The following FAF1 variants were observed in gnomAD, a reference collection of about 807,000 sequenced individuals.
FAF1 encodes the protein Fas associated factor 1.
In FAF1, 25 loss-of-function variants were observed where a neutral mutation model predicts 92.5. That is an observed-to-expected ratio of 0.27 (90% CI 0.20 to 0.38). FAF1 has a LOEUF of 0.38. FAF1 is among the 10% of genes least tolerant of loss of function. The pLI is 1.00. For synonymous variants in FAF1, 234 were observed against 273.2 expected, an observed-to-expected ratio of 0.86 and a Z score of 1.42; for missense variants, 636 against 793.3, an observed-to-expected ratio of 0.80 and a Z score of 2.38.
At chr1:50,942,489 G>A (rs900526500) in intron 1 of FAF1, among the ~76,000 whole-genome samples, 1 of 151,814 alleles carries the variant, frequency 6.6e-6, no homozygotes, top group East Asian at 1.9e-4. Context: ...GGAAGGGAAG[G>A]GAATTAAATG....
intron 15 of FAF1, among the ~76,000 whole-genome samples, chr1:50,528,207 TGCAGGG>T (rs1049412036): frequency 3.3e-5 from 5 of 152,156 alleles, no homozygotes; most frequent in Admixed American, 3.3e-4. Context: ...TGGCCAATTT[TGCAGGG>T]GCTTTACAAG....
Position 50,554,390 on chromosome 1 carries a change from T to TATATATATATATAG in FAF1, c.1268+12686_1268+12687insCTATATATATATAT. On this transcript the variant is annotated intron_variant, in intron 13 of 18. Transcript: ENST00000396153. ...ATATATATATATATATATATATATATAGAGAGAGAGAGAGAGAGAGAGAGA... is the reference window on the plus strand; with the variant it reads ...ATATATATATATATATATATATATATATATATATATATAGAGAGAGAGAGAGAGAGAGAGAGAGA... Among the ~76,000 whole-genome samples, 6 of 93,684 alleles carry TATATATATATATAG rather than the reference T, an allele frequency of 6.4e-5. 1 individual carries two copies. The highest frequency in any genetic ancestry group is 2.4e-4 in the African/African-American group (5 of 21,142). 61.5% of individuals were successfully genotyped at this position (93,684 alleles called of 152,430 possible).
chr1:50,527,046 AG>A, intron 15 of FAF1, among the ~76,000 whole-genome samples: 1 of 151,916 alleles, frequency 6.6e-6, no homozygotes, highest in Admixed American at 6.6e-5. Context: ...AAGTAGAGAC[AG>A]GGTTTCGCTA....
At chr1:50,534,796 C>A (rs1369694202) in intron 15 of FAF1, among the ~76,000 whole-genome samples, 1 of 152,022 alleles carries the variant, frequency 6.6e-6, no homozygotes, top group African/African-American at 2.4e-5. Flanking sequence ...CTATTGTCAT[C>A]GATAATGTTT....
intron 7 of FAF1, among the ~76,000 whole-genome samples, chr1:50,688,760 C>T (rs1462887087): frequency 3.3e-5 from 5 of 151,988 alleles, no homozygotes; most frequent in South Asian, 2.1e-4. Context: ...TGCGGTGAGC[C>T]GAGATCGCGC....
chr1:50,692,241 CTGTGTGTGTGTGTGTGTGTGTGTG>C (rs59187392), intron 7 of FAF1, among the ~76,000 whole-genome samples: 14 of 129,002 alleles, frequency 1.1e-4, no homozygotes, highest in African/African-American at 1.7e-4. Context: ...GAAGTATTTA[CTGTGTGTGTGTGTGTGTGTGTGTG>C]TGTGTGTGTG....
intron 2 of FAF1, among the ~76,000 whole-genome samples, chr1:50,825,331 C>T (rs1644086379): frequency 6.6e-6 from 1 of 151,806 alleles, no homozygotes; most frequent in South Asian, 2.1e-4. Context: ...GTTTGCAAAA[C>T]TAGAAAAATA....
chr1:50,690,805 C>T (rs540209188), intron 7 of FAF1, among the ~76,000 whole-genome samples: 59 of 152,252 alleles, frequency 3.9e-4, no homozygotes, highest in Admixed American at 7.2e-4. Context: ...TGCCTACTCT[C>T]GGCATTTGAT....
chr1:50,564,083 A>C (rs1291864084), intron 13 of FAF1, among the ~76,000 whole-genome samples: 1 of 152,190 alleles, frequency 6.6e-6, no homozygotes, highest in Non-Finnish European at 1.5e-5. Context: ...CTTATCTCCT[A>C]CATACATGAG....
At chr1:50,933,408 C>A (rs528440178) in intron 1 of FAF1, among the ~76,000 whole-genome samples, 1 of 152,206 alleles carries the variant, frequency 6.6e-6, no homozygotes, top group African/African-American at 2.4e-5. Context: ...CACAATGCCA[C>A]CAGTCTCTTT....
intron 7 of FAF1, among the ~76,000 whole-genome samples, chr1:50,697,515 T>C (rs1352902080): frequency 6.6e-6 from 1 of 152,176 alleles, no homozygotes; most frequent in Non-Finnish European, 1.5e-5. Flanking sequence ...TACAGGGCCG[T>C]ATATAGGAAC....
At chr1:50,585,290 A>G (rs1166356386) in intron 9 of FAF1, among the ~76,000 whole-genome samples, 2 of 152,222 alleles carry the variant, frequency 1.3e-5, no homozygotes, top group Admixed American at 6.5e-5. Flanking sequence ...CTATCCTCAC[A>G]TTGTTATGGA....
chr1:50,659,379 G>C (rs1410736395), intron 7 of FAF1, among the ~76,000 whole-genome samples: 2 of 151,756 alleles, frequency 1.3e-5, no homozygotes, highest in African/African-American at 4.8e-5. Context: ...AGAAAGAGAG[G>C]GGGAAGGACA....
At chr1:50,623,921 G>A (rs547315661) in intron 8 of FAF1, among the ~76,000 whole-genome samples, 1 of 151,552 alleles carries the variant, frequency 6.6e-6, no homozygotes, top group South Asian at 2.1e-4. Context: ...TTGGGTGACA[G>A]AGCGAGACCC....
intron 8 of FAF1, among the ~76,000 whole-genome samples, chr1:50,654,384 C>A (rs1054969870): frequency 6.6e-6 from 1 of 152,090 alleles, no homozygotes; most frequent in African/African-American, 2.4e-5. Context: ...TTTAAAAAAA[C>A]TTAGGTATCT....
At position 50,775,234 on chromosome 1, in the gene FAF1, C is replaced by A. The variant is rs533514807; in HGVS notation, c.367+12766G>T. Among the ~76,000 whole-genome samples, 5 of 152,116 alleles carry A rather than the reference C, an allele frequency of 3.3e-5. No homozygotes were observed. The East Asian group carries it at 9.6e-4, about 29-fold the overall frequency. The stretch of plus-strand genomic sequence containing the variant: ...TGTGATGGATGAATTAATATATACA[C>A]ATATATTCATATACTCATTTATTGA... On this transcript the variant is annotated intron_variant, in intron 4 of 18. Coordinates refer to ENST00000396153, the MANE Select transcript of FAF1 (RefSeq NM_007051.3).
chr1:50,656,505 C>A (rs1655118496), intron 7 of FAF1, among the ~76,000 whole-genome samples: 1 of 152,114 alleles, frequency 6.6e-6, no homozygotes, highest in South Asian at 2.1e-4. Flanking sequence ...CAACATGCAA[C>A]ATTATACCTT....
intron 7 of FAF1, among the ~76,000 whole-genome samples, chr1:50,689,562 C>T (rs773476541): frequency 6.6e-6 from 1 of 151,950 alleles, no homozygotes; most frequent in Admixed American, 6.6e-5. Context: ...CCAGCCTGGG[C>T]GACAGAGCGA....
At chr1:50,802,127 G>A (rs1456825115) in intron 2 of FAF1, among the ~76,000 whole-genome samples, 2 of 149,886 alleles carry the variant, frequency 1.3e-5, no homozygotes. Flanking sequence ...TTTCACTCTT[G>A]TTGCCCAGGC....
Sources: gnomAD v4.1 joint callset for allele counts (sites outside exome capture counted in the v4.1 genomes callset) on GRCh38, gnomAD v4.1.1 for gene constraint, MANE v1.5 for transcripts, NCBI Gene and HGNC (gene_info 2026-07-23, HGNC 2026-07-21) for gene names.